Variants in MAPK10 observed in about 807,000 individuals in gnomAD.
MAPK10 encodes the protein mitogen-activated protein kinase 10.
A neutral mutation model predicts 59.3 loss-of-function variants in MAPK10; 25 were observed. The observed-to-expected ratio is 0.42, with a 90% CI of 0.31 to 0.59. MAPK10 has a LOEUF of 0.59. Ranked by LOEUF, MAPK10 falls within the 20% of genes least tolerant of loss-of-function variation. The pLI, the probability that MAPK10 is intolerant of heterozygous loss-of-function variation, is 0.15. For synonymous variants in MAPK10, 190 were observed against 200.5 expected, an observed-to-expected ratio of 0.95 and a Z score of 0.44; for missense variants, 351 against 568.9, an observed-to-expected ratio of 0.62 and a Z score of 3.90.
intron 1 of MAPK10, among the ~76,000 whole-genome samples, chr4:86,369,756 C>T (rs776092831): frequency 2.6e-5 from 4 of 152,152 alleles, no homozygotes; most frequent in Non-Finnish European, 2.9e-5. Context: ...TAGTTAAATT[C>T]AACATATGCT....
intron 4 of MAPK10, among the ~76,000 whole-genome samples, chr4:86,108,412 C>T (rs924732763): frequency 5.9e-5 from 9 of 152,100 alleles, no homozygotes; most frequent in Non-Finnish European, 1.2e-4. Context: ...AACCAGAATC[C>T]ACTACAACTG....
upstream of MAPK10, among the ~76,000 whole-genome samples, chr4:86,363,500 T>G (rs193107119): frequency 6.1e-4 from 93 of 152,318 alleles, no homozygotes; most frequent in African/African-American, 2.2e-3. Context: ...TTTTGAAAAT[T>G]TATTTTTATT....
chr4:86,316,871 C>T (rs377302982), intron 2 of MAPK10, among the ~76,000 whole-genome samples: 3 of 151,768 alleles, frequency 2.0e-5, no homozygotes, highest in African/African-American at 7.3e-5. Context: ...AGTAGAAATG[C>T]CCACCTTATG....
intron 2 of MAPK10, among the ~76,000 whole-genome samples, chr4:86,328,126 T>C (rs1349271987): frequency 2.0e-5 from 3 of 152,026 alleles, no homozygotes; most frequent in African/African-American, 7.3e-5. Flanking sequence ...AAAGCCCTTA[T>C]AAAACAGGCT....
intron 11 of MAPK10, among the ~76,000 whole-genome samples, chr4:86,059,585 G>A (rs564437188): frequency 8.6e-5 from 13 of 151,988 alleles, no homozygotes; most frequent in African/African-American, 1.2e-4. Context: ...GATCTGTATC[G>A]GTAGATTAAA....
intron 1 of MAPK10, among the ~76,000 whole-genome samples, chr4:86,395,421 T>A (rs1742778754): frequency 6.6e-6 from 1 of 152,214 alleles, no homozygotes; most frequent in South Asian, 2.1e-4. Context: ...CATGCTTTCA[T>A]GTAGCATCTA....
chr4:86,424,173 CT>C (rs1013349616), intron 1 of MAPK10, among the ~76,000 whole-genome samples: 27 of 150,564 alleles, frequency 1.8e-4, no homozygotes, highest in Admixed American at 4.0e-4. Flanking sequence ...TTCTTCAAGT[CT>C]TTTTTTTTCA....
chr4:86,068,658 G>A (rs2047178869), intron 9 of MAPK10, among the ~76,000 whole-genome samples: 1 of 152,072 alleles, frequency 6.6e-6, no homozygotes. Flanking sequence ...TAAAACAACA[G>A]ATTTCTATCC....
chr4:86,015,811 T>C lies in MAPK10; in HGVS notation c.*1417A>G, dbSNP rs909840628. 9 of 152,140 alleles carry C rather than the reference T, an allele frequency of 5.9e-5. No individual in the cohort carries two copies. Among genetic ancestry groups the C allele is most frequent in the Non-Finnish European group, 1.2e-4 (8 of 68,028 alleles). 9.4% of individuals were successfully genotyped at this position (152,140 alleles called of 1,614,324 possible). On this transcript the variant is annotated 3_prime_UTR_variant, in exon 14 of 14. Transcript: ENST00000641462. Reference sequence around the variant, plus strand: ...TCAGCCCTTCGATTGCTCATACTTATTAAAATAAATAAATAAACATGAAAC... The same window carrying C: ...TCAGCCCTTCGATTGCTCATACTTACTAAAATAAATAAATAAACATGAAAC...
chr4:86,033,758 T>C (rs1234456253), intron 11 of MAPK10, among the ~76,000 whole-genome samples: 1 of 152,232 alleles, frequency 6.6e-6, no homozygotes, highest in Admixed American at 6.5e-5. Flanking sequence ...CATATTCAGA[T>C]TTTTGATTGT....
chr4:86,212,027 A>G (rs2085964814), intron 2 of MAPK10, among the ~76,000 whole-genome samples: 1 of 152,178 alleles, frequency 6.6e-6, no homozygotes, highest in Admixed American at 6.5e-5. Flanking sequence ...GTAATGCGGG[A>G]AATGAGGGAC....
intron 2 of MAPK10, among the ~76,000 whole-genome samples, chr4:86,302,470 G>A (rs553373718): frequency 7.9e-5 from 12 of 152,312 alleles, no homozygotes; most frequent in African/African-American, 2.9e-4. Context: ...GTCAACTGGC[G>A]AAGCGACTCT....
At chr4:86,456,193 A>C (rs888015974), upstream of MAPK10, among the ~76,000 whole-genome samples, 2 of 152,202 alleles carry the variant, frequency 1.3e-5, no homozygotes, top group African/African-American at 4.8e-5. Context: ...CTAAATGCCT[A>C]CATAAAAATG....
chr4:86,072,209 A>T lies in MAPK10; in HGVS notation c.803-4254T>A, dbSNP rs1579629497. ...CTCTCTGTTTGTCTGTTGTTGGTGT[A>T]TAAGAATGCTTGTGATTTTTGTACA... is the stretch of plus-strand genomic sequence containing the variant. On this transcript the variant is annotated intron_variant, in intron 9 of 13. Transcript: ENST00000641462. Among the ~76,000 whole-genome samples, 4 of 150,456 alleles carry T rather than the reference A, an allele frequency of 2.7e-5. No homozygotes were observed. The South Asian group carries it at 8.4e-4, about 32-fold the overall frequency.
intron 2 of MAPK10, among the ~76,000 whole-genome samples, chr4:86,250,734 G>C (rs2093369304): frequency 6.6e-6 from 1 of 152,104 alleles, no homozygotes; most frequent in African/African-American, 2.4e-5. Context: ...ATGTTGTAAA[G>C]AAGTCATGGA....
chr4:86,430,748 T>C (rs1387333720), intron 1 of MAPK10, among the ~76,000 whole-genome samples: 1 of 152,116 alleles, frequency 6.6e-6, no homozygotes, highest in Non-Finnish European at 1.5e-5. Context: ...GAAAGGGGAC[T>C]GGCACATTAG....
At chr4:86,158,948 TA>T (rs557092829) in intron 4 of MAPK10, 73 of 171,866 alleles carry the variant, frequency 4.2e-4, no homozygotes, top group Non-Finnish European at 6.1e-4. Context: ...GCTGTTATCT[TA>T]AGACATGTCC....
intron 1 of MAPK10, among the ~76,000 whole-genome samples, chr4:86,359,343 T>C (rs1168948908): frequency 4.0e-5 from 6 of 148,440 alleles, no homozygotes; most frequent in Non-Finnish European, 7.4e-5. Flanking sequence ...TCTCTCTCTC[T>C]CCCTTCCCTT....
At chr4:86,414,815 A>T (rs1745653337) in intron 1 of MAPK10, among the ~76,000 whole-genome samples, 1 of 152,050 alleles carries the variant, frequency 6.6e-6, no homozygotes, top group Non-Finnish European at 1.5e-5. Flanking sequence ...TCATCCTAAC[A>T]ACCATTCTAC....
Sources: gnomAD v4.1 joint callset for allele counts (sites outside exome capture counted in the v4.1 genomes callset) on GRCh38, gnomAD v4.1.1 for gene constraint, MANE v1.5 for transcripts, NCBI Gene and HGNC (gene_info 2026-07-23, HGNC 2026-07-21) for gene names.